Variants in CADM2 observed in about 807,000 individuals in gnomAD.
CADM2 encodes the protein cell adhesion molecule 2.
A neutral mutation model predicts 49.8 loss-of-function variants in CADM2; 12 were observed. The observed-to-expected ratio is 0.24, with a 90% CI of 0.15 to 0.39. CADM2 has a LOEUF of 0.39. Ranked by LOEUF, CADM2 falls within the 10% of genes least tolerant of loss-of-function variation. The pLI, the probability that CADM2 is intolerant of heterozygous loss-of-function variation, is 1.00. For missense variants in CADM2, 378 were observed against 492.3 expected, an observed-to-expected ratio of 0.77 and a Z score of 2.20; for synonymous variants, 214 against 175.4, an observed-to-expected ratio of 1.22 and a Z score of -1.74.
chr3:86,064,798 T>C (rs1413032976), intron 8 of CADM2, among the ~76,000 whole-genome samples: 3 of 152,346 alleles, frequency 2.0e-5, no homozygotes, highest in Admixed American at 1.3e-4. Context: ...ATTTCTTGCC[T>C]GTAAAATCCT....
chr3:85,641,848 G>A (rs978690871), intron 1 of CADM2, among the ~76,000 whole-genome samples: 1 of 151,900 alleles, frequency 6.6e-6, no homozygotes, highest in African/African-American at 2.4e-5. Context: ...GAAGAATGGC[G>A]TGAACCCAGG....
intron 5 of CADM2, among the ~76,000 whole-genome samples, chr3:85,907,508 C>CA (rs1716956353): frequency 6.6e-6 from 1 of 152,114 alleles, no homozygotes; most frequent in Non-Finnish European, 1.5e-5. Context: ...GCCTTGTTCC[C>CA]AGTGTGGTCT....
At chr3:85,578,805 T>C (rs2062715696) in intron 1 of CADM2, among the ~76,000 whole-genome samples, 1 of 152,244 alleles carries the variant, frequency 6.6e-6, no homozygotes, top group South Asian at 2.1e-4. Context: ...GTTTCTAATT[T>C]CTGTTGCTAT....
At position 86,057,365 on chromosome 3, in the gene CADM2, A is replaced by G. The variant is rs185376031; in HGVS notation, c.971-8240A>G. On this transcript the variant is annotated intron_variant, in intron 8 of 9. Transcript: ENST00000383699. ...TTAATGTTAGAATCAAACTATAAAA[A>G]GCAGTAATTAAGTACATATCTGGAT... 1.1e-4 allele frequency among the ~76,000 whole-genome samples: 16 copies of G among 152,302 alleles called. No homozygotes were observed. The East Asian group carries it at 2.9e-3, about 28-fold the overall frequency.
rs78045567 is a variant in CADM2 at position 85,879,003 on chromosome 3, G to A, written c.239-4288G>A. On this transcript the variant is annotated intron_variant, in intron 3 of 9. Transcript: ENST00000383699. ...AAAAATGTGTGAACAAACTACATGA[G>A]TATGTATAATATACATATATATTTA... 8.4e-3 allele frequency among the ~76,000 whole-genome samples: 1,264 copies of A among 151,156 alleles called. 42 individuals carry two copies. The South Asian group carries it at 0.093, about 11-fold the overall frequency.
chr3:85,383,099 G>A (rs1437808747), intron 1 of CADM2, among the ~76,000 whole-genome samples: 1 of 152,112 alleles, frequency 6.6e-6, no homozygotes, highest in Admixed American at 6.5e-5. Context: ...TTCAAACTGT[G>A]TTCAAATAAG....
At chr3:86,044,711 G>T (rs947644445) in intron 8 of CADM2, among the ~76,000 whole-genome samples, 1 of 152,100 alleles carries the variant, frequency 6.6e-6, no homozygotes, top group Non-Finnish European at 1.5e-5. Flanking sequence ...CCATTACCAG[G>T]TATATACCCA....
chr3:85,560,274 C>T (rs1385096275), intron 1 of CADM2, among the ~76,000 whole-genome samples: 1 of 152,166 alleles, frequency 6.6e-6, no homozygotes, highest in East Asian at 1.9e-4. Context: ...AGCTTGATGA[C>T]CTGCAAGGTC....
chr3:85,064,927 T>C (rs2036471707), intron 1 of CADM2, among the ~76,000 whole-genome samples: 1 of 152,126 alleles, frequency 6.6e-6, no homozygotes, highest in South Asian at 2.1e-4. Context: ...CACTAACTGG[T>C]TGTGTTTTTA....
intron 1 of CADM2, among the ~76,000 whole-genome samples, chr3:85,496,031 A>G (rs1477047532): frequency 1.3e-5 from 2 of 152,190 alleles, no homozygotes; most frequent in Admixed American, 1.3e-4. Context: ...TTATTTTTTA[A>G]AAAATCTAAA....
intron 2 of CADM2, among the ~76,000 whole-genome samples, chr3:85,777,334 C>A (rs910243355): frequency 1.3e-5 from 2 of 151,926 alleles, no homozygotes; most frequent in Non-Finnish European, 2.9e-5. Flanking sequence ...CAGCTCACTG[C>A]AGCCTCCGCC....
At chr3:85,811,326 A>G (rs1004687053) in intron 3 of CADM2, among the ~76,000 whole-genome samples, 1 of 152,212 alleles carries the variant, frequency 6.6e-6, no homozygotes, top group Non-Finnish European at 1.5e-5. Flanking sequence ...TTGTTTGTAA[A>G]CATATATTTT....
intron 8 of CADM2, among the ~76,000 whole-genome samples, chr3:86,059,588 C>G (rs1365127566): frequency 6.6e-6 from 1 of 152,118 alleles, no homozygotes; most frequent in East Asian, 1.9e-4. Flanking sequence ...TGGGCTAATG[C>G]TTGAGAATGA....
intron 2 of CADM2, among the ~76,000 whole-genome samples, chr3:85,774,810 C>T (rs2070275869): frequency 2.0e-5 from 3 of 151,558 alleles, no homozygotes; most frequent in African/African-American, 7.3e-5. Context: ...ATTGGGAAGC[C>T]TATGAAAACA....
rs566381385 is a variant in CADM2, at chr3:85,996,068, C to T, written c.970+34421C>T. Among the ~76,000 whole-genome samples the T allele has an allele frequency of 4.8e-5, 7 of 146,322 alleles. No individual in the cohort carries two copies. The South Asian group carries it at 8.5e-4, about 18-fold the overall frequency. ...TCGTGCCACTGCACTCCAGCCTGGG[C>T]GACAGAGCAAGACTCTGCCTAAAAA... is the stretch of plus-strand genomic sequence containing the variant. On this transcript the variant is annotated intron_variant, in intron 8 of 9. Transcript: ENST00000383699.
chr3:85,237,652 C>T (rs754005684), intron 1 of CADM2, among the ~76,000 whole-genome samples: 4 of 151,406 alleles, frequency 2.6e-5, no homozygotes, highest in Non-Finnish European at 5.9e-5. Flanking sequence ...AATTACATAT[C>T]ATCTTAATTC....
intron 1 of CADM2, among the ~76,000 whole-genome samples, chr3:85,174,221 G>A (rs2040713324): frequency 1.3e-5 from 2 of 152,096 alleles, no homozygotes; most frequent in African/African-American, 4.8e-5. Flanking sequence ...AGAAACATAG[G>A]TGTCTAATCC....
At chr3:85,783,142 A>G (rs932761224) in intron 2 of CADM2, among the ~76,000 whole-genome samples, 2 of 152,162 alleles carry the variant, frequency 1.3e-5, no homozygotes, top group Admixed American at 6.5e-5. Context: ...CAGTTTTCTT[A>G]CTTCATATAT....
chr3:86,038,484 C>A (rs1361151110), intron 8 of CADM2, among the ~76,000 whole-genome samples: 1 of 152,154 alleles, frequency 6.6e-6, no homozygotes, highest in Non-Finnish European at 1.5e-5. Context: ...CCAATTAATC[C>A]TCTTGTTTGC....
Sources: allele counts gnomAD v4.1 joint callset (sites outside exome capture counted in the v4.1 genomes callset), GRCh38; gene constraint gnomAD v4.1.1; transcripts MANE v1.5; gene names NCBI Gene and HGNC (gene_info 2026-07-23, HGNC 2026-07-21).